TM2D1: variants seen among roughly 807,000 people sequenced by gnomAD.
The protein encoded by TM2D1 is TM2 domain containing 1.
A neutral mutation model predicts 28.4 loss-of-function variants in TM2D1; 15 were observed. The observed-to-expected ratio is 0.53, with a 90% CI of 0.35 to 0.81. TM2D1 has a LOEUF of 0.81. Among genes scored for constraint, TM2D1 ranks in the 40% least tolerant of loss-of-function variants. The pLI is 0.01. For synonymous variants in TM2D1, 93 were observed against 96.2 expected, an observed-to-expected ratio of 0.97 and a Z score of 0.20; for missense variants, 236 against 254.9, an observed-to-expected ratio of 0.93 and a Z score of 0.50.
intron 2 of TM2D1, among the ~76,000 whole-genome samples, chr1:61,716,374 T>G (rs925437036): frequency 6.8e-6 from 1 of 145,998 alleles, no homozygotes; most frequent in Non-Finnish European, 1.5e-5. Flanking sequence ...TATATATAAT[T>G]ATATAATTTT....
At position 61,725,059 on chromosome 1, in the gene TM2D1, C is replaced by A. The variant is rs757751061; in HGVS notation, c.62G>T (p.Gly21Val). The A allele has an allele frequency of 4.5e-5, 72 of 1,613,832 alleles. No individual in the cohort carries two copies. The highest frequency in any genetic ancestry group is 5.5e-5 in the Non-Finnish European group (65 of 1,179,914). Residue 21 changes from glycine to valine, a missense_variant, in exon 1 of 7, where the codon GGT becomes GTT. Physicochemically the swap from Gly to Val is moderately radical, Grantham distance 109. Coordinates refer to ENST00000606498, the MANE Select transcript of TM2D1 (RefSeq NM_032027.3). ...APEAVTARLV[G>V]VLWFVSVTTG... is the part of the protein sequence containing the mutation. ...AGTGACTGAGACGAACCACAGGACA[C>A]CAACGAGTCTGGCCGTCACGGCCTC...
chr1:61,686,264 T>C (rs1279989524), intron 5 of TM2D1, among the ~76,000 whole-genome samples: 1 of 152,020 alleles, frequency 6.6e-6, no homozygotes, highest in Non-Finnish European at 1.5e-5. Flanking sequence ...TCAACACACT[T>C]TTCTATGAAC....
At chr1:61,697,415 G>A (rs928871786) in intron 4 of TM2D1, 3 of 151,652 alleles carry the variant, frequency 2.0e-5, no homozygotes, top group Admixed American at 1.3e-4. Flanking sequence ...GTGTTGCCCA[G>A]GTTGGTCTTG....
rs1644502601 is a variant in TM2D1 at position 61,714,484 on chromosome 1, T to C, written c.239-5047A>G. Among the ~76,000 whole-genome samples the C allele has an allele frequency of 3.3e-5, 5 of 152,176 alleles. No individual in the cohort carries two copies. The South Asian group carries it at 1.0e-3, about 32-fold the overall frequency. On this transcript the variant is annotated intron_variant, in intron 2 of 6. Coordinates refer to ENST00000606498, the MANE Select transcript of TM2D1 (RefSeq NM_032027.3). ...TGGACCCGGGAAGCGGAGGTTTCAG[T>C]GAGCTGAGGTCGCGCCACTGCACTC... is the stretch of plus-strand genomic sequence containing the variant.
intron 4 of TM2D1, chr1:61,699,902 T>C (rs1257951760): frequency 3.4e-6 from 1 of 298,390 alleles, no homozygotes; most frequent in Non-Finnish European, 6.0e-6. Flanking sequence ...TGAGTTTTAG[T>C]ATAGCTGTCA....
At chr1:61,722,430 G>A (rs920874483) in intron 2 of TM2D1, among the ~76,000 whole-genome samples, 2 of 152,088 alleles carry the variant, frequency 1.3e-5, no homozygotes, top group Non-Finnish European at 2.9e-5. Flanking sequence ...GTGCAATGGC[G>A]CGATCTCGGC....
At chr1:61,718,439 C>CT (rs1644537954) in intron 2 of TM2D1, among the ~76,000 whole-genome samples, 2 of 152,138 alleles carry the variant, frequency 1.3e-5, no homozygotes, top group Admixed American at 6.6e-5. Context: ...TGCAGGAACA[C>CT]TTTTTCCATT....
intron 6 of TM2D1, chr1:61,683,158 GC>G (rs1644259770): frequency 1.1e-5 from 2 of 174,954 alleles, no homozygotes; most frequent in African/African-American, 4.7e-5. Context: ...AATAATAAAT[GC>G]CTTTTTGCTT....
intron 3 of TM2D1, 34 bp downstream of exon 3, chr1:61,709,295 A>G: frequency 7.7e-7 from 1 of 1,302,678 alleles, no homozygotes; most frequent in East Asian, 2.3e-5. Context: ...ATAGGCAAGT[A>G]ATCTGAAAAT....
intron 2 of TM2D1, among the ~76,000 whole-genome samples, chr1:61,712,716 T>C (rs1280725226): frequency 6.6e-6 from 1 of 151,950 alleles, no homozygotes; most frequent in African/African-American, 2.4e-5. Flanking sequence ...CAGCCTCCAG[T>C]ATATTTAATA....
intron 4 of TM2D1, among the ~76,000 whole-genome samples, chr1:61,700,467 G>C (rs985330345): frequency 6.6e-6 from 1 of 152,316 alleles, no homozygotes. Flanking sequence ...GGTGATAGAA[G>C]TCAGGCTCCC....
chr1:61,716,592 TAC>T (rs1392329184), intron 2 of TM2D1, among the ~76,000 whole-genome samples: 5 of 137,886 alleles, frequency 3.6e-5, no homozygotes, highest in African/African-American at 5.1e-5. Flanking sequence ...TATATATATA[TAC>T]ACACACACAC....
chr1:61,711,625 CA>C (rs963521750), intron 2 of TM2D1, among the ~76,000 whole-genome samples: 224 of 118,108 alleles, frequency 1.9e-3, no homozygotes, highest in Middle Eastern at 0.016. Context: ...GAGACCGTCT[CA>C]AAAAAAAAAA....
At chr1:61,698,596 C>A (rs1644379781) in intron 4 of TM2D1, 1 of 146,846 alleles carries the variant, frequency 6.8e-6, no homozygotes, top group African/African-American at 2.5e-5. Flanking sequence ...CAGAGGAAGA[C>A]TGAAATGAAT....
At chr1:61,697,938 G>A (rs1366150856) in intron 4 of TM2D1, 1 of 152,112 alleles carries the variant, frequency 6.6e-6, no homozygotes, top group Non-Finnish European at 1.5e-5. Context: ...AACCTCTCAT[G>A]TTCATTTTTG....
intron 2 of TM2D1, 110 bp downstream of exon 2, chr1:61,723,603 G>T: frequency 1.9e-6 from 1 of 520,718 alleles, no homozygotes; most frequent in Non-Finnish European, 3.3e-6. Context: ...GAATAATAAT[G>T]TTATCATTTA....
At chr1:61,704,614 TAG>T in intron 3 of TM2D1, among the ~76,000 whole-genome samples, 1 of 151,978 alleles carries the variant, frequency 6.6e-6, no homozygotes, top group South Asian at 2.1e-4. Flanking sequence ...GTATTTTCAG[TAG>T]AGACAGGGTT....
chr1:61,715,573 G>A (rs955976291), intron 2 of TM2D1, among the ~76,000 whole-genome samples: 2 of 129,624 alleles, frequency 1.5e-5, no homozygotes, highest in African/African-American at 3.0e-5. Context: ...GCTTGAACCC[G>A]AGAGGCAGTG....
At chr1:61,723,485 T>C (rs1190388926) in intron 2 of TM2D1, among the ~76,000 whole-genome samples, 1 of 152,214 alleles carries the variant, frequency 6.6e-6, no homozygotes, top group Non-Finnish European at 1.5e-5. Flanking sequence ...AGCCCTATTA[T>C]TGTTTATATG....
Sources: allele counts gnomAD v4.1 joint callset (sites outside exome capture counted in the v4.1 genomes callset), GRCh38; gene constraint gnomAD v4.1.1; transcripts MANE v1.5; gene names NCBI Gene and HGNC (gene_info 2026-07-23, HGNC 2026-07-21).